Variants in SPACA7 observed in about 807,000 individuals in gnomAD.
The protein encoded by SPACA7 is sperm acrosome-associated protein 7.
Under a neutral mutation model 26.3 loss-of-function variants are expected in SPACA7, and 19 were observed. That is an observed-to-expected ratio of 0.72 (90% CI 0.50 to 1.06). The LOEUF is 1.06. Ranked by LOEUF, SPACA7 falls within the 50% of genes least tolerant of loss-of-function variation. The probability of loss-of-function intolerance (pLI) is 0.00; values close to 1 mark genes in which losing one functional copy is unlikely to be tolerated. For synonymous variants in SPACA7, 84 were observed against 84.5 expected (o/e 0.99, Z 0.04); for missense variants, 211 against 229.9 (o/e 0.92, Z 0.53).
At chr13:112,417,811 T>C (rs1200577764) in intron 5 of SPACA7, among the ~76,000 whole-genome samples, 2 of 152,202 alleles carry the variant, frequency 1.3e-5, no homozygotes, top group Non-Finnish European at 2.9e-5. Flanking sequence ...AACCTGCCAT[T>C]GCTGATCAAT....
intron 5 of SPACA7, among the ~76,000 whole-genome samples, chr13:112,428,223 C>A (rs1353017130): frequency 6.6e-6 from 1 of 152,108 alleles, no homozygotes; most frequent in African/African-American, 2.4e-5. Flanking sequence ...TATTTTCATC[C>A]AGTTCAAAAT....
chr13:112,406,211 C>T (rs893814100), intron 5 of SPACA7, among the ~76,000 whole-genome samples: 1 of 152,128 alleles, frequency 6.6e-6, no homozygotes, highest in African/African-American at 2.4e-5. Context: ...ATTTCTATCA[C>T]CCCAAATTGA....
At chr13:112,417,004 G>GGTTT (rs1209613705) in intron 5 of SPACA7, among the ~76,000 whole-genome samples, 2 of 151,754 alleles carry the variant, frequency 1.3e-5, no homozygotes, top group African/African-American at 4.9e-5. Flanking sequence ...TAAAATCCTT[G>GGTTT]ATTTATACTT....
intron 2 of SPACA7, among the ~76,000 whole-genome samples, chr13:112,397,101 A>C (rs774244286): frequency 9.2e-5 from 14 of 152,236 alleles, no homozygotes; most frequent in South Asian, 2.1e-4. Context: ...CTGGGTGAGA[A>C]ACCAAGAGCC....
intron 1 of SPACA7, among the ~76,000 whole-genome samples, chr13:112,376,826 C>T (rs1883729162): frequency 2.0e-5 from 3 of 152,142 alleles, no homozygotes; most frequent in Admixed American, 2.0e-4. Flanking sequence ...CATACACACA[C>T]TTTTCTTGTT....
intron 4 of SPACA7, among the ~76,000 whole-genome samples, chr13:112,399,952 C>G (rs1015612570): frequency 6.6e-6 from 1 of 152,108 alleles, no homozygotes; most frequent in African/African-American, 2.4e-5. Flanking sequence ...ATAACCAGAC[C>G]TCATGAGAAC....
chr13:112,419,902 G>A (rs1031618822), intron 5 of SPACA7, among the ~76,000 whole-genome samples: 8 of 152,190 alleles, frequency 5.3e-5, no homozygotes, highest in Non-Finnish European at 1.2e-4. Flanking sequence ...AGGTGTTCAG[G>A]GAAGGCTGAA....
intron 5 of SPACA7, among the ~76,000 whole-genome samples, chr13:112,405,557 C>T (rs1405563044): frequency 6.6e-6 from 1 of 152,088 alleles, no homozygotes; most frequent in Non-Finnish European, 1.5e-5. Context: ...TTTTACTTTA[C>T]AAAATTTGCT....
chr13:112,401,013 T>C, intron 4 of SPACA7, 56 bp from the exon 5 acceptor site: 1 of 1,274,350 alleles, frequency 7.8e-7, no homozygotes, highest in South Asian at 1.2e-5. Context: ...ACCAAAGTGC[T>C]TATAAGTGTG....
At chr13:112,401,518 T>G (rs9324295) in intron 5 of SPACA7, among the ~76,000 whole-genome samples, 99,821 of 152,062 alleles carry the variant, frequency 0.66, 33,302 homozygotes, top group African/African-American at 0.78. Context: ...GATAGACAGA[T>G]AGATGATAGA....
chr13:112,399,150 T>C lies in SPACA7; in HGVS notation c.326T>C (p.Ile109Thr), dbSNP rs2138950909. ...LLENLQFSPG[I>T]EVKISNDEAN... ...GAGAATTTACAATTCTCTCCTGGCA[T>C]TGAGGTCAAAATTTCCAATGATGGT... The change falls in exon 4 of 7, where the codon ATT (isoleucine) becomes ACT (threonine). Residue 109 changes from isoleucine to threonine, a missense_variant. Coordinates refer to ENST00000283550, the MANE Select transcript of SPACA7 (RefSeq NM_145248.5). The C allele has an allele frequency of 6.9e-6, 11 of 1,602,954 alleles. No homozygotes were observed. The highest frequency in any genetic ancestry group is 9.4e-6 in the Non-Finnish European group (11 of 1,169,788).
intron 1 of SPACA7, among the ~76,000 whole-genome samples, chr13:112,392,455 G>C (rs1473808270): frequency 1.3e-5 from 2 of 152,164 alleles, no homozygotes; most frequent in African/African-American, 4.8e-5. Flanking sequence ...AGGAGAAAGG[G>C]GGGTGGCCCA....
chr13:112,407,987 C>T (rs543106845), intron 5 of SPACA7, among the ~76,000 whole-genome samples: 25 of 152,222 alleles, frequency 1.6e-4, no homozygotes, highest in African/African-American at 6.0e-4. Context: ...ACTGGCAAAC[C>T]GAATCCAGCA....
At chr13:112,396,728 G>A (rs1414285945) in intron 2 of SPACA7, among the ~76,000 whole-genome samples, 2 of 152,208 alleles carry the variant, frequency 1.3e-5, no homozygotes, top group African/African-American at 4.8e-5. Context: ...GCAGCGCCCA[G>A]CCCCTTGGCT....
At chr13:112,386,289 T>A (rs952513341) in intron 1 of SPACA7, among the ~76,000 whole-genome samples, 1 of 152,208 alleles carries the variant, frequency 6.6e-6, no homozygotes, top group African/African-American at 2.4e-5. Context: ...CCTTAACTAC[T>A]ATTAGCCACC....
chr13:112,415,717 T>A (rs1886648740), intron 5 of SPACA7, among the ~76,000 whole-genome samples: 1 of 152,138 alleles, frequency 6.6e-6, no homozygotes, highest in Admixed American at 6.6e-5. Flanking sequence ...CCCAGACCAG[T>A]GCAGCACCAC....
intron 5 of SPACA7, among the ~76,000 whole-genome samples, chr13:112,426,182 T>C (rs1594328980): frequency 6.6e-6 from 1 of 152,382 alleles, no homozygotes; most frequent in African/African-American, 2.4e-5. Flanking sequence ...AAAATTCAAC[T>C]TTCTCTCTTG....
At chr13:112,416,279 GTTGTTGTTGT>G (rs796721050) in intron 5 of SPACA7, among the ~76,000 whole-genome samples, 5,114 of 89,840 alleles carry the variant, frequency 0.057, 97 homozygotes, top group Middle Eastern at 0.098. Context: ...GTCAGTTGTT[GTTGTTGTTGT>G]TTGTTGTTGT....
intron 1 of SPACA7, among the ~76,000 whole-genome samples, chr13:112,390,450 A>C (rs1027423904): frequency 7.3e-5 from 11 of 149,712 alleles, no homozygotes; most frequent in African/African-American, 2.5e-4. Flanking sequence ...AAAAAATGGC[A>C]GTGTTAGCAC....
Sources: gnomAD v4.1 joint callset for allele counts (sites outside exome capture counted in the v4.1 genomes callset) on GRCh38, gnomAD v4.1.1 for gene constraint, MANE v1.5 for transcripts, NCBI Gene and HGNC (gene_info 2026-07-23, HGNC 2026-07-21) for gene names.